Variants in TAF15 observed in about 807,000 individuals in gnomAD.
TAF15 encodes TATA-box binding protein associated factor 15.
TAF15 carries 37 observed loss-of-function variants against 102.5 expected under a neutral mutation model. That is an observed-to-expected ratio of 0.36 (90% CI 0.28 to 0.47). The LOEUF (loss-of-function observed/expected upper bound fraction) is 0.47. Ranked by LOEUF, TAF15 falls within the 20% of genes least tolerant of loss-of-function variation. The pLI is 0.99. For synonymous variants in TAF15, 273 were observed against 259.2 expected, an observed-to-expected ratio of 1.05 and a Z score of -0.51; for missense variants, 652 against 760.7, an observed-to-expected ratio of 0.86 and a Z score of 1.68.
intron 10 of TAF15, among the ~76,000 whole-genome samples, chr17:35,837,193 C>T (rs2087485592): frequency 6.6e-6 from 1 of 152,118 alleles, no homozygotes; most frequent in Non-Finnish European, 1.5e-5. Flanking sequence ...TTCATTCCAT[C>T]CAGGCTGGAG....
chr17:35,813,624 A>T (rs2087154048), intron 1 of TAF15, among the ~76,000 whole-genome samples: 2 of 127,102 alleles, frequency 1.6e-5, no homozygotes, highest in East Asian at 2.3e-4. Flanking sequence ...CAACAGAGCG[A>T]GACCCTGTCC....
intron 7 of TAF15, among the ~76,000 whole-genome samples, chr17:35,833,128 G>A (rs545848289): frequency 6.6e-6 from 1 of 151,452 alleles, no homozygotes; most frequent in Non-Finnish European, 1.5e-5. Flanking sequence ...CTGCACTTCA[G>A]CCTGGGTGAC....
intron 11 of TAF15, among the ~76,000 whole-genome samples, chr17:35,839,251 A>G (rs2087511730): frequency 6.6e-6 from 1 of 150,852 alleles, no homozygotes; most frequent in South Asian, 2.1e-4. Flanking sequence ...ACTGTGTTCC[A>G]GCCTGGGCAA....
chr17:35,823,706 C>CAAAAA (rs57004932), intron 6 of TAF15: 16 of 161,426 alleles, frequency 9.9e-5, no homozygotes, highest in East Asian at 1.7e-4. Context: ...CTCTTGTCTC[C>CAAAAA]AAAAAAAAAA....
chr17:35,844,616 A>T lies in TAF15; in HGVS notation c.1317A>T (p.Gly439=). The change falls in exon 15 of 16, where the codon GGA becomes GGT. Residue 439 remains glycine, a synonymous_variant. Transcript: ENST00000605844. ...GDRSSGGGYS[G]DRSGGGYGGD... is the part of the protein sequence containing the mutation. ...GAAGCAGCGGTGGTGGCTACAGCGG[A>T]GATAGAAGTGGGGGCGGCTATGGTG... 6.3e-7 allele frequency: 1 copy of T among 1,580,360 alleles called. No homozygotes were observed. The highest frequency in any genetic ancestry group is 8.6e-7 in the Non-Finnish European group (1 of 1,166,526).
Position 35,823,653 on chromosome 17 carries a change from C to T in TAF15, c.485-425C>T, listed in dbSNP as rs372635210. On this transcript the variant is annotated intron_variant, in intron 6 of 15. Transcript: ENST00000605844. ...CTGGGAGGCAGAGCTTGCAGTGAGC[C>T]GAGATTGCATCAGTGCACTCCAGCC... 1.4e-3 allele frequency: 285 copies of T among 199,986 alleles called. 2 individuals are homozygous for T. Among genetic ancestry groups the T allele is most frequent in the Non-Finnish European group, 2.4e-3 (240 of 101,068 alleles). The allele number at this position is 199,986 out of a possible 1,614,324, so 12.4% of individuals were successfully genotyped here.
At chr17:35,813,895 A>G (rs1450890749) in intron 1 of TAF15, among the ~76,000 whole-genome samples, 7 of 152,176 alleles carry the variant, frequency 4.6e-5, no homozygotes. Context: ...ATAACAGACT[A>G]ATTAAATATT....
chr17:35,827,517 C>T (rs2087345787), intron 7 of TAF15, among the ~76,000 whole-genome samples: 1 of 151,930 alleles, frequency 6.6e-6, no homozygotes, highest in Non-Finnish European at 1.5e-5. Flanking sequence ...TCAGCCTGAC[C>T]AATAGGGTGA....
At chr17:35,837,325 AT>A (rs567415409) in intron 10 of TAF15, among the ~76,000 whole-genome samples, 17 of 143,840 alleles carry the variant, frequency 1.2e-4, no homozygotes, top group East Asian at 4.1e-4. Context: ...CTAGTTAAAA[AT>A]TTTTTTTTTT....
chr17:35,843,793 G>C (rs1222114998), intron 12 of TAF15, among the ~76,000 whole-genome samples: 1 of 152,198 alleles, frequency 6.6e-6, no homozygotes, highest in Non-Finnish European at 1.5e-5. Context: ...TTGGTCCCAA[G>C]TATTTGGGGG....
chr17:35,822,033 C>CTT (rs989826637), intron 5 of TAF15, among the ~76,000 whole-genome samples: 1 of 145,996 alleles, frequency 6.8e-6, no homozygotes. Context: ...GCATCTTTTA[C>CTT]TTTTTTTTTT....
chr17:35,845,343 C>CTAAGA (rs1220970898), intron 15 of TAF15, among the ~76,000 whole-genome samples: 1 of 152,134 alleles, frequency 6.6e-6, no homozygotes, highest in East Asian at 1.9e-4. Context: ...TAACCTCAAA[C>CTAAGA]TCTTAGACTC....
intron 1 of TAF15, among the ~76,000 whole-genome samples, chr17:35,814,877 T>C (rs2087176786): frequency 1.3e-5 from 2 of 151,770 alleles, no homozygotes; most frequent in Admixed American, 1.3e-4. Context: ...TGTGTGTATA[T>C]ATATATGTAT....
chr17:35,816,815 C>CTCTT (rs2087201047), intron 1 of TAF15: 1 of 57,430 alleles, frequency 1.7e-5, no homozygotes, highest in Admixed American at 2.2e-4. Flanking sequence ...CCCACCCCCA[C>CTCTT]TTTTTTTTTT....
rs2087280945 is a variant in TAF15 at position 35,822,897 on chromosome 17, AT to A, written c.484+66del. 9.1e-5 allele frequency: 144 copies of A among 1,588,378 alleles called. 1 individual carries two copies. In the South Asian group the frequency reaches 1.6e-3, roughly 17 times the overall value. ...TCAGAATTATTTGTATGAATTTCTGATTAAAAGAACCACAGAGGATTTCACC... is the reference window on the plus strand; with the variant it reads ...TCAGAATTATTTGTATGAATTTCTGATAAAAGAACCACAGAGGATTTCACC... On this transcript the variant is annotated intron_variant, in intron 6 of 15. Coordinates refer to ENST00000605844, the MANE Select transcript of TAF15 (RefSeq NM_139215.3).
rs763859705 is a variant in TAF15 at position 35,820,414 on chromosome 17, G to A, written c.267G>A (p.Gln89=). ...SQQPYNNQGQ[Q]QNMESSGSQG... The stretch of plus-strand genomic sequence containing the variant: ...AACCATATAATAACCAGGGACAGCA[G>A]CAAAACATGGAATCATCAGGAAGGT... Residue 89 remains glutamine (Q), a synonymous_variant, in exon 5 of 16, where the codon CAG becomes CAA. Coordinates refer to ENST00000605844, the MANE Select transcript of TAF15 (RefSeq NM_139215.3). 1.5e-5 allele frequency: 24 copies of A among 1,613,776 alleles called. No homozygotes were observed. The highest frequency in any genetic ancestry group is 1.8e-5 in the Non-Finnish European group (21 of 1,179,888).
chr17:35,821,118 A>G lies in TAF15; in HGVS notation c.290+681A>G, dbSNP rs538761903. Among the ~76,000 whole-genome samples, 186 of 152,320 alleles carry G rather than the reference A, an allele frequency of 1.2e-3. 1 individual carries two copies. Among genetic ancestry groups the G allele is most frequent in the African/African-American group, 3.9e-3 (161 of 41,580 alleles). ...AGAGGGTAAAGAAATTATTTGGCCT[A>G]TCAAGTGACGTGGCTAAAAACTGAG... is the stretch of plus-strand genomic sequence containing the variant. On this transcript the variant is annotated intron_variant, in intron 5 of 15. Coordinates refer to ENST00000605844, the MANE Select transcript of TAF15 (RefSeq NM_139215.3).
rs1170506741 is a variant in TAF15, at chr17:35,816,815, CTTTTTTTTTTTT to C, written c.8-884_8-873del. 6.6e-4 allele frequency: 38 copies of C among 57,438 alleles called. No individual in the cohort carries two copies. In the Admixed American group the frequency reaches 7.3e-3, roughly 11 times the overall value. The allele number at this position is 57,438 out of a possible 1,614,324, so 3.6% of individuals were successfully genotyped here. A position where few individuals can be genotyped will look rare whatever the true frequency, so the allele number is the denominator to read the frequency against. On this transcript the variant is annotated intron_variant, in intron 1 of 15. Coordinates refer to ENST00000605844, the MANE Select transcript of TAF15 (RefSeq NM_139215.3). ...TGTTACCACCCCCACCCCACCCCCACTTTTTTTTTTTTTTTTTTTTTTTTTTTTGAGAAGTGT... is the reference window on the plus strand; with the variant it reads ...TGTTACCACCCCCACCCCACCCCCACTTTTTTTTTTTTTTTTGAGAAGTGT...
At position 35,846,962 on chromosome 17, in the gene TAF15, T is replaced by C. The variant is rs1045792457; in HGVS notation, c.*17T>C. On this transcript the variant is annotated 3_prime_UTR_variant, in exon 16 of 16. Transcript: ENST00000605844. The stretch of plus-strand genomic sequence containing the variant: ...CCATACTGATGACTGTTTTGAATGT[T>C]CCTTTGTCTCTGACATGATCCATAG... 6.2e-7 allele frequency: 1 copy of C among 1,613,990 alleles called. No homozygotes were observed. Among genetic ancestry groups the C allele is most frequent in the African/African-American group, 1.3e-5 (1 of 74,920 alleles).
Sources: gnomAD v4.1 joint callset for allele counts (sites outside exome capture counted in the v4.1 genomes callset) on GRCh38, gnomAD v4.1.1 for gene constraint, MANE v1.5 for transcripts, NCBI Gene and HGNC (gene_info 2026-07-23, HGNC 2026-07-21) for gene names.